USP15: variants seen among roughly 807,000 people sequenced by gnomAD.
USP15 encodes ubiquitin specific peptidase 15.
Under a neutral mutation model 127.1 loss-of-function variants are expected in USP15, and 18 were observed. That is an observed-to-expected ratio of 0.14 (90% CI 0.10 to 0.21). The LOEUF (loss-of-function observed/expected upper bound fraction) is 0.21. Ranked by LOEUF, USP15 falls within the 10% of genes least tolerant of loss-of-function variation. The probability of loss-of-function intolerance (pLI) is 1.00; values close to 1 mark genes in which losing one functional copy is unlikely to be tolerated. For missense variants in USP15, 805 were observed against 1,159.9 expected (o/e 0.69, Z 4.44); for synonymous variants, 364 against 393.7 (o/e 0.92, Z 0.89).
chr12:62,309,352 C>G (rs1565841311), intron 3 of USP15, among the ~76,000 whole-genome samples: 1 of 151,982 alleles, frequency 6.6e-6, no homozygotes, highest in Non-Finnish European at 1.5e-5. Flanking sequence ...ACAAACAGAA[C>G]TTTAAAATGT....
intron 1 of USP15, among the ~76,000 whole-genome samples, chr12:62,267,903 T>C (rs562717631): frequency 6.6e-6 from 1 of 152,258 alleles, no homozygotes; most frequent in South Asian, 2.1e-4. Context: ...CATATGTTTT[T>C]ACAGCTTAAC....
chr12:62,322,062 G>A (rs574746722), intron 5 of USP15, among the ~76,000 whole-genome samples: 1 of 152,276 alleles, frequency 6.6e-6, no homozygotes, highest in African/African-American at 2.4e-5. Flanking sequence ...TTATATAAAT[G>A]TGCAGCAGGC....
At chr12:62,373,347 G>A (rs2066732956) in intron 8 of USP15, among the ~76,000 whole-genome samples, 1 of 151,922 alleles carries the variant, frequency 6.6e-6, no homozygotes, top group Admixed American at 6.6e-5. Flanking sequence ...TTTCCCATCA[G>A]TGTCAGTATT....
chr12:62,335,048 A>T lies in USP15; in HGVS notation c.683+9115A>T, dbSNP rs1320760346. The T allele has an allele frequency of 3.4e-6, 3 of 869,798 alleles. No homozygotes were observed. In the East Asian group the frequency reaches 8.0e-5, roughly 23 times the overall value. 53.9% of individuals were successfully genotyped at this position (869,798 alleles called of 1,614,324 possible). On this transcript the variant is annotated intron_variant, in intron 6 of 21. Coordinates refer to ENST00000280377, the MANE Select transcript of USP15 (RefSeq NM_001252078.2). ...TGGAAGTCTTACCTTTTTCTGTCTG[A>T]GGGCACGATATGTTACACCTAGCCC...
At chr12:62,378,852 T>G (rs1295810158) in intron 8 of USP15, among the ~76,000 whole-genome samples, 1 of 152,092 alleles carries the variant, frequency 6.6e-6, no homozygotes, top group Non-Finnish European at 1.5e-5. Context: ...TGCCAAACAT[T>G]GAAGGAAAAG....
chr12:62,319,823 T>C (rs1283089207), intron 4 of USP15, among the ~76,000 whole-genome samples: 1 of 152,218 alleles, frequency 6.6e-6, no homozygotes, highest in African/African-American at 2.4e-5. Flanking sequence ...GTAGACATTT[T>C]ATTTATATTT....
intron 1 of USP15, chr12:62,267,167 A>G (rs2063213066): frequency 6.6e-6 from 1 of 151,970 alleles, no homozygotes; most frequent in African/African-American, 2.4e-5. Flanking sequence ...TAATTTCCTC[A>G]CTTACCACTG....
chr12:62,262,045 C>G (rs2063079890), intron 1 of USP15, among the ~76,000 whole-genome samples: 1 of 152,056 alleles, frequency 6.6e-6, no homozygotes, highest in African/African-American at 2.4e-5. Flanking sequence ...TCCAGACCAG[C>G]CTGGGCACCA....
At chr12:62,275,768 A>C (rs927979382) in intron 1 of USP15, among the ~76,000 whole-genome samples, 1 of 152,112 alleles carries the variant, frequency 6.6e-6, no homozygotes, top group Non-Finnish European at 1.5e-5. Context: ...TACTTCCTCT[A>C]CTGATACGTA....
intron 6 of USP15, among the ~76,000 whole-genome samples, chr12:62,342,252 A>T (rs889879755): frequency 1.3e-5 from 2 of 151,966 alleles, no homozygotes; most frequent in Admixed American, 6.6e-5. Context: ...TATGTTTTTC[A>T]GTTCCATCAG....
rs2068061679 is a variant in USP15, at chr12:62,412,455, C to CACAGTAGA, written c.*8083_*8090dup. The CACAGTAGA allele has an allele frequency of 6.6e-6, 1 of 152,608 alleles. No homozygotes were observed. The highest frequency in any genetic ancestry group is 2.1e-4 in the South Asian group (1 of 4,870). The allele number at this position is 152,608 out of a possible 1,614,324, so 9.5% of individuals were successfully genotyped here. A position where few individuals can be genotyped will look rare whatever the true frequency, so the allele number is the denominator to read the frequency against. ...GTGCTATTTGATAATATTTGATACC[C>CACAGTAGA]ACAGTAGAACTTCTTTCCGAACTTC... is the stretch of plus-strand genomic sequence containing the variant. On this transcript the variant is annotated 3_prime_UTR_variant, in exon 22 of 22. Coordinates refer to ENST00000280377, the MANE Select transcript of USP15 (RefSeq NM_001252078.2).
intron 1 of USP15, chr12:62,274,377 A>G (rs2063422097): frequency 6.6e-6 from 1 of 150,492 alleles, no homozygotes; most frequent in African/African-American, 2.5e-5. Context: ...AGGAACATTT[A>G]TCTGAAAATT....
chr12:62,365,421 T>C (rs139303564), intron 8 of USP15, among the ~76,000 whole-genome samples: 200 of 152,304 alleles, frequency 1.3e-3, no homozygotes, highest in African/African-American at 4.5e-3. Flanking sequence ...CTTGTAAATT[T>C]GTTTAAGTTC....
chr12:62,344,567 G>C (rs575042945), intron 6 of USP15, among the ~76,000 whole-genome samples: 1 of 152,198 alleles, frequency 6.6e-6, no homozygotes, highest in East Asian at 1.9e-4. Context: ...GAGGACAGCG[G>C]CCCTCTTCTC....
In USP15 at chr12:62,381,658, T is replaced by TTTA; in HGVS notation, c.1085_1087dup (p.Phe362_Lys363insIle). ...GTTTAGCTACGTCACCCCAAGAGCC[T>TTTA]TTAAGGTTAGTGTGGTAAATGCATT... is the stretch of plus-strand genomic sequence containing the variant. On this transcript the variant is annotated inframe_insertion, in exon 9 of 22. Coordinates refer to ENST00000280377, the MANE Select transcript of USP15 (RefSeq NM_001252078.2). The TTTA allele has an allele frequency of 6.2e-7, 1 of 1,609,686 alleles. No homozygotes were observed.
intron 9 of USP15, among the ~76,000 whole-genome samples, chr12:62,383,262 A>G (rs1406831274): frequency 6.6e-6 from 1 of 151,980 alleles, no homozygotes; most frequent in Non-Finnish European, 1.5e-5. Context: ...CTTTGTTCAC[A>G]ACATTTTCGT....
chr12:62,315,183 C>A (rs2064797574), intron 4 of USP15: 1 of 209,266 alleles, frequency 4.8e-6, no homozygotes. Context: ...ACTGGTGTGT[C>A]ATTTGTAACA....
rs1333418575 is a variant in USP15, at chr12:62,409,546, G to A, written c.*5171G>A. 6.6e-6 allele frequency: 1 copy of A among 152,112 alleles called. No homozygotes were observed. Among genetic ancestry groups the A allele is most frequent in the Non-Finnish European group, 1.5e-5 (1 of 67,992 alleles). The allele number at this position is 152,112 out of a possible 1,614,324, so 9.4% of individuals were successfully genotyped here. ...TCTCCTGTAGAAAATCATAATTAAA[G>A]TTGGTGCTCGTGTTGCTAAAGTTTT... On this transcript the variant is annotated 3_prime_UTR_variant, in exon 22 of 22. Transcript: ENST00000280377.
intron 2 of USP15, among the ~76,000 whole-genome samples, chr12:62,298,337 C>G (rs1485219960): frequency 6.6e-6 from 1 of 151,764 alleles, no homozygotes; most frequent in Non-Finnish European, 1.5e-5. Context: ...TCAGCTTGGG[C>G]AACATGGTGA....
Sources: allele counts gnomAD v4.1 joint callset (sites outside exome capture counted in the v4.1 genomes callset), GRCh38; gene constraint gnomAD v4.1.1; transcripts MANE v1.5; gene names NCBI Gene and HGNC (gene_info 2026-07-23, HGNC 2026-07-21).